The following KLF13 variants were observed in gnomAD, a reference collection of about 807,000 sequenced individuals.
KLF13 encodes the protein KLF transcription factor 13.
In KLF13, 8 loss-of-function variants were observed where a neutral mutation model predicts 16.7. That is an observed-to-expected ratio of 0.48 (90% confidence interval 0.28 to 0.87). KLF13 has a LOEUF of 0.87. KLF13 is among the 40% of genes least tolerant of loss of function. The pLI is 0.10. For synonymous variants in KLF13, 245 were observed against 208.4 expected (o/e 1.18, Z -1.51); for missense variants, 447 against 452.2 (o/e 0.99, Z 0.10).
At chr15:31,432,214 T>G (rs1034294107) in intron 1 of KLF13, among the ~76,000 whole-genome samples, 1 of 152,064 alleles carries the variant, frequency 6.6e-6, no homozygotes, top group African/African-American at 2.4e-5. Flanking sequence ...TTGAGAATTT[T>G]TTTTCCTGGA....
intron 1 of KLF13, among the ~76,000 whole-genome samples, chr15:31,415,440 T>C (rs1301062364): frequency 6.6e-6 from 1 of 152,112 alleles, no homozygotes; most frequent in East Asian, 1.9e-4. Context: ...CAAAATATGT[T>C]CTCTGACCAC....
rs1352385748 is a variant in KLF13, at chr15:31,327,395, C to G, written c.183C>G (p.Leu61=). 2 of 1,273,318 alleles carry G rather than the reference C, an allele frequency of 1.6e-6. No individual in the cohort carries two copies. The highest frequency in any genetic ancestry group is 3.5e-5 in the East Asian group (1 of 28,380). 78.9% of individuals were successfully genotyped at this position (1,273,318 alleles called of 1,614,324 possible). A position where few individuals can be genotyped will look rare whatever the true frequency, so the allele number is the denominator to read the frequency against. Reference sequence around the variant, plus strand: ...GCGACGGTAAGGACAGCGCCTCGCTCTTCGTGGTGGCGCGGATCCTAGCGG... The same window carrying G: ...GCGACGGTAAGGACAGCGCCTCGCTGTTCGTGGTGGCGCGGATCCTAGCGG... The part of the protein sequence containing the change: ...ERRDGKDSAS[L]FVVARILADL... The change falls in exon 1 of 2, where the codon CTC becomes CTG. Residue 61 remains leucine (L), a synonymous_variant. Transcript: ENST00000307145.
chr15:31,356,276 G>T (rs1217200677), intron 1 of KLF13, among the ~76,000 whole-genome samples: 2 of 152,138 alleles, frequency 1.3e-5, no homozygotes, highest in East Asian at 1.9e-4. Context: ...AGAACTGGCC[G>T]GGCGCGGTGG....
downstream of KLF13, among the ~76,000 whole-genome samples, chr15:31,378,488 C>T (rs1028381831): frequency 3.3e-5 from 5 of 152,160 alleles, no homozygotes; most frequent in East Asian, 1.9e-4. Flanking sequence ...ACTAACTGCC[C>T]CTGGCTGTCC....
intron 1 of KLF13, among the ~76,000 whole-genome samples, chr15:31,353,816 C>G (rs1051493350): frequency 6.6e-5 from 10 of 151,898 alleles, no homozygotes; most frequent in Admixed American, 5.9e-4. Context: ...CCACACCCTT[C>G]CCCTCTCTCA....
chr15:31,421,670 C>T (rs1047269918), intron 1 of KLF13, among the ~76,000 whole-genome samples: 1 of 151,846 alleles, frequency 6.6e-6, no homozygotes, highest in Non-Finnish European at 1.5e-5. Context: ...AGGAATCAAA[C>T]TTGTCACTAA....
intron 1 of KLF13, among the ~76,000 whole-genome samples, chr15:31,426,762 G>T (rs563059871): frequency 6.6e-6 from 1 of 152,200 alleles, no homozygotes; most frequent in Non-Finnish European, 1.5e-5. Flanking sequence ...AGGTGTGTTT[G>T]TGAGGGTGTT....
chr15:31,365,090 G>A lies in KLF13; in HGVS notation c.578-6920G>A, dbSNP rs139958939. ...AGTCTTGAGGTTGGGAGCTAGAAGT[G>A]GCCCCAAACCAGTGCCCACAGGGCA... On this transcript the variant is annotated intron_variant, in intron 1 of 1. Coordinates refer to ENST00000307145, the MANE Select transcript of KLF13 (RefSeq NM_015995.4). 4.3e-3 allele frequency among the ~76,000 whole-genome samples: 659 copies of A among 152,314 alleles called. 5 individuals carry two copies. The highest frequency in any genetic ancestry group is 0.015 in the African/African-American group (619 of 41,560).
intron 1 of KLF13, among the ~76,000 whole-genome samples, chr15:31,413,185 G>GAAAAAAAAA (rs1243053850): frequency 3.0e-5 from 1 of 32,954 alleles, no homozygotes; most frequent in South Asian, 9.7e-4. Flanking sequence ...AAAATGAATA[G>GAAAAAAAAA]ACAAAAAAAA....
At chr15:31,416,573 A>T (rs945038363) in intron 1 of KLF13, among the ~76,000 whole-genome samples, 1 of 152,126 alleles carries the variant, frequency 6.6e-6, no homozygotes, top group African/African-American at 2.4e-5. Flanking sequence ...CATTTGAAAA[A>T]CTCCAACACC....
At chr15:31,379,430 A>G (rs779727233), downstream of KLF13, among the ~76,000 whole-genome samples, 3 of 151,978 alleles carry the variant, frequency 2.0e-5, no homozygotes, top group African/African-American at 2.4e-5. Flanking sequence ...CCAGATGCTT[A>G]AAAAATATTG....
chr15:31,387,716 C>T (rs2039809889), intron 1 of KLF13, among the ~76,000 whole-genome samples: 2 of 152,196 alleles, frequency 1.3e-5, no homozygotes, highest in Non-Finnish European at 2.9e-5. Flanking sequence ...ACATGGTTCA[C>T]AGATGTGGTT....
chr15:31,417,626 C>T (rs559981212), intron 1 of KLF13, among the ~76,000 whole-genome samples: 83 of 152,056 alleles, frequency 5.5e-4, no homozygotes, highest in Non-Finnish European at 6.6e-4. Flanking sequence ...ACTGCAACCT[C>T]CATCTCCCAG....
chr15:31,379,091 C>T (rs991029462), downstream of KLF13, among the ~76,000 whole-genome samples: 9 of 152,226 alleles, frequency 5.9e-5, no homozygotes, highest in South Asian at 6.2e-4. Context: ...ATACAGGCAT[C>T]GCAGTTGATT....
Position 31,338,081 on chromosome 15 carries a change from T to C in KLF13, c.577+10292T>C, listed in dbSNP as rs867466568. ...TACAGCCTTGGCTACTTATAGCTTG[T>C]GATTTGAAGTTTCCCTAATGATGGG... On this transcript the variant is annotated intron_variant, in intron 1 of 1. Coordinates refer to ENST00000307145, the MANE Select transcript of KLF13 (RefSeq NM_015995.4). Among the ~76,000 whole-genome samples the C allele has an allele frequency of 4.6e-5, 7 of 152,206 alleles. No individual in the cohort carries two copies. The South Asian group carries it at 6.2e-4, about 13-fold the overall frequency.
chr15:31,384,078 T>G (rs940400149), intron 1 of KLF13, among the ~76,000 whole-genome samples: 1 of 152,192 alleles, frequency 6.6e-6, no homozygotes, highest in African/African-American at 2.4e-5. Flanking sequence ...TACAGAAGTA[T>G]GATCATGATT....
chr15:31,421,123 C>T (rs570052462), intron 1 of KLF13, among the ~76,000 whole-genome samples: 2 of 152,050 alleles, frequency 1.3e-5, no homozygotes, highest in East Asian at 1.9e-4. Context: ...TTAAATTAAG[C>T]CTCGGTTGAG....
rs1423264830 is a variant in KLF13 at position 31,326,923 on chromosome 15, C to A, written c.-290C>A. 1 of 153,396 alleles carries A rather than the reference C, an allele frequency of 6.5e-6. No homozygotes were observed. Among genetic ancestry groups the A allele is most frequent in the Admixed American group, 6.5e-5 (1 of 15,268 alleles). 9.5% of individuals were successfully genotyped at this position (153,396 alleles called of 1,614,324 possible). On this transcript the variant is annotated 5_prime_UTR_variant, in exon 1 of 2. Coordinates refer to ENST00000307145, the MANE Select transcript of KLF13 (RefSeq NM_015995.4). Reference sequence around the variant, plus strand: ...CGCGACTTGGCGAGGTGGTCCCTAACGTTGCCGCTCGGCATCCTTAGAACC... The same window carrying A: ...CGCGACTTGGCGAGGTGGTCCCTAAAGTTGCCGCTCGGCATCCTTAGAACC...
At chr15:31,354,870 A>G (rs1473288812) in intron 1 of KLF13, among the ~76,000 whole-genome samples, 3 of 152,192 alleles carry the variant, frequency 2.0e-5, no homozygotes, top group African/African-American at 7.2e-5. Flanking sequence ...TAAATATTTC[A>G]GTGCCTTACA....
Sources: gnomAD v4.1 joint callset for allele counts (sites outside exome capture counted in the v4.1 genomes callset) on GRCh38, gnomAD v4.1.1 for gene constraint, MANE v1.5 for transcripts, NCBI Gene and HGNC (gene_info 2026-07-23, HGNC 2026-07-21) for gene names.